The following IMPG2 variants were observed in gnomAD, a reference collection of about 807,000 sequenced individuals.
IMPG2 encodes the protein interphotoreceptor matrix proteoglycan 2.
Under a neutral mutation model 129.2 loss-of-function variants are expected in IMPG2, and 91 were observed. The ratio of observed to expected loss-of-function variants is 0.70; its 90% CI spans 0.59 to 0.84. IMPG2 has a LOEUF of 0.84. IMPG2 is among the 40% of genes least tolerant of loss of function. IMPG2 has a pLI of 0.00. For synonymous variants in IMPG2, 510 were observed against 517.7 expected (o/e 0.99, Z 0.20); for missense variants, 1,430 against 1,461.7 (o/e 0.98, Z 0.35).
chr3:101,260,687 C>A (rs577120950), intron 9 of IMPG2, among the ~76,000 whole-genome samples: 3 of 152,152 alleles, frequency 2.0e-5, no homozygotes, highest in Admixed American at 1.3e-4. Flanking sequence ...TGTACACACA[C>A]ATACAGATAC....
At chr3:101,244,875 C>G in intron 12 of IMPG2, 88 bp from the exon 13 acceptor site, 1 of 1,140,954 alleles carries the variant, frequency 8.8e-7, no homozygotes, top group South Asian at 1.3e-5. Flanking sequence ...CCTGTTTTTT[C>G]CCTGTGAAGT....
chr3:101,288,016 A>C (rs1576764372), intron 4 of IMPG2, among the ~76,000 whole-genome samples: 1 of 152,208 alleles, frequency 6.6e-6, no homozygotes, highest in African/African-American at 2.4e-5. Flanking sequence ...AATATCAAGA[A>C]TCTATAGGGA....
chr3:101,256,196 AG>A (rs1706604215), intron 10 of IMPG2, among the ~76,000 whole-genome samples: 4 of 151,154 alleles, frequency 2.6e-5, no homozygotes, highest in African/African-American at 9.8e-5. Flanking sequence ...AAAGAAAGAA[AG>A]AAAGAAAGAA....
chr3:101,227,011 T>C (rs775548050), intron 18 of IMPG2, 30 bp from the exon 19 acceptor site: 2 of 1,577,564 alleles, frequency 1.3e-6, no homozygotes, highest in South Asian at 1.1e-5. Flanking sequence ...AGCAATTCAG[T>C]AAAAAAAAAG....
At chr3:101,231,497 T>C (rs1706287239) in intron 15 of IMPG2, among the ~76,000 whole-genome samples, 1 of 152,236 alleles carries the variant, frequency 6.6e-6, no homozygotes, top group African/African-American at 2.4e-5. Flanking sequence ...GCTGCAGAAC[T>C]GGGCCTAGAA....
intron 5 of IMPG2, 22 bp downstream of exon 5, chr3:101,276,642 G>A: frequency 6.5e-7 from 1 of 1,542,302 alleles, no homozygotes; most frequent in Non-Finnish European, 9.0e-7. Context: ...AAAGAAAAGT[G>A]AATGAAGACA....
intron 10 of IMPG2, among the ~76,000 whole-genome samples, chr3:101,254,903 TTC>T (rs370565511): frequency 1.5e-4 from 22 of 148,836 alleles, no homozygotes; most frequent in Non-Finnish European, 1.9e-4. Context: ...GTGTGGCACT[TTC>T]TCTCTCTCTC....
intron 4 of IMPG2, among the ~76,000 whole-genome samples, chr3:101,279,146 C>A (rs1420154974): frequency 6.6e-6 from 1 of 152,030 alleles, no homozygotes; most frequent in Non-Finnish European, 1.5e-5. Flanking sequence ...GTATCCAGTT[C>A]TCTTTCAATA....
At chr3:101,247,918 G>T (rs1342986906) in intron 11 of IMPG2, among the ~76,000 whole-genome samples, 1 of 152,058 alleles carries the variant, frequency 6.6e-6, no homozygotes, top group African/African-American at 2.4e-5. Flanking sequence ...AATGAAAACC[G>T]CAAATAAGAA....
intron 3 of IMPG2, among the ~76,000 whole-genome samples, chr3:101,298,256 A>T: frequency 6.7e-6 from 1 of 150,146 alleles, no homozygotes. Flanking sequence ...TGCTTGGTAA[A>T]TTTTCCATCC....
At position 101,275,665 on chromosome 3, in the gene IMPG2, T is replaced by G. The variant is rs762363678; in HGVS notation, c.664A>C (p.Ser222Arg). Residue 222 changes from serine (S) to arginine (R), a missense_variant and splice_region_variant, in exon 6 of 19, where the codon AGT becomes CGT. Transcript: ENST00000193391. ...TAACAAAACAGAGCATCACTCACAC[T>G]CTCCTCTGGCCTTTCCAAGCTGCTC... ...SESSLERPEE[S>R]ISNEIENVIE... 2 of 1,606,766 alleles carry G rather than the reference T, an allele frequency of 1.2e-6. No homozygotes were observed. Among genetic ancestry groups the G allele is most frequent in the East Asian group, 4.5e-5 (2 of 44,842 alleles).
intron 2 of IMPG2, among the ~76,000 whole-genome samples, chr3:101,309,320 G>A (rs1707236873): frequency 3.9e-5 from 6 of 152,114 alleles, no homozygotes; most frequent in Admixed American, 3.9e-4. Context: ...TCATGCTGCT[G>A]TGGAGAAATA....
At chr3:101,289,021 C>A (rs1706976717) in intron 4 of IMPG2, among the ~76,000 whole-genome samples, 1 of 152,142 alleles carries the variant, frequency 6.6e-6, no homozygotes. Context: ...GAGCTTACAA[C>A]AAATCCTAAA....
In IMPG2 at chr3:101,226,247, A is replaced by ATATATATATATATATATATATATATATT. The variant is rs1706221982; in HGVS notation, c.*721_*722insAATATATATATATATATATATATATATA. 8.5e-5 allele frequency: 2 copies of ATATATATATATATATATATATATATATT among 23,606 alleles called. No individual in the cohort carries two copies. The highest frequency in any genetic ancestry group is 2.5e-4 in the African/African-American group (2 of 8,036). 1.5% of individuals were successfully genotyped at this position (23,606 alleles called of 1,614,324 possible). ...ACTTTATATATATATATATATATAT[A>ATATATATATATATATATATATATATATT]TATATATATATATATATATATATAT... On this transcript the variant is annotated 3_prime_UTR_variant, in exon 19 of 19. Transcript: ENST00000193391.
intron 2 of IMPG2, 93 bp from the exon 3 acceptor site, chr3:101,304,405 C>T (rs1707168119): frequency 2.6e-6 from 3 of 1,156,716 alleles, no homozygotes; most frequent in Admixed American, 1.8e-5. Flanking sequence ...TTCCTTGAGA[C>T]ACTGAAGTGT....
intron 9 of IMPG2, among the ~76,000 whole-genome samples, chr3:101,261,682 C>T (rs1461212655): frequency 1.3e-5 from 2 of 152,026 alleles, no homozygotes; most frequent in Admixed American, 6.6e-5. Context: ...GCTTGAGATA[C>T]CAGAAAACCA....
chr3:101,292,212 A>G (rs1040276992), intron 3 of IMPG2, among the ~76,000 whole-genome samples: 1 of 152,188 alleles, frequency 6.6e-6, no homozygotes, highest in African/African-American at 2.4e-5. Context: ...CTCTCATTGC[A>G]TTTAGAAATG....
At chr3:101,231,198 C>T (rs1008858158) in intron 15 of IMPG2, 53 bp from the exon 16 acceptor site, 19 of 1,529,774 alleles carry the variant, frequency 1.2e-5, no homozygotes, top group Non-Finnish European at 2.7e-6. Flanking sequence ...CTCACACTGA[C>T]AATTAACAGC....
At chr3:101,228,755 T>TA (rs1706249895) in intron 18 of IMPG2, 42 bp downstream of exon 18, 1 of 1,486,324 alleles carries the variant, frequency 6.7e-7, no homozygotes, top group African/African-American at 1.4e-5. Context: ...AGTAAACTGT[T>TA]AAGTCTGTAG....
Sources: gnomAD v4.1 joint callset for allele counts (sites outside exome capture counted in the v4.1 genomes callset) on GRCh38, gnomAD v4.1.1 for gene constraint, MANE v1.5 for transcripts, NCBI Gene and HGNC (gene_info 2026-07-23, HGNC 2026-07-21) for gene names.